Variants in PCDHA5 observed in about 807,000 individuals in gnomAD.
The protein encoded by PCDHA5 is protocadherin alpha 5.
PCDHA5 carries 43 observed loss-of-function variants against 61.6 expected under a neutral mutation model. The observed-to-expected ratio is 0.70, with a 90% CI of 0.55 to 0.90. The LOEUF is 0.90. Ranked by LOEUF, PCDHA5 falls within the 40% of genes least tolerant of loss-of-function variation. The probability of loss-of-function intolerance (pLI) is 0.00; values close to 1 mark genes in which losing one functional copy is unlikely to be tolerated. For synonymous variants in PCDHA5, 627 were observed against 543.9 expected (o/e 1.15, Z -2.13); for missense variants, 1,298 against 1,222.7 (o/e 1.06, Z -0.92).
In PCDHA5 at chr5:140,979,019, C is replaced by T; in HGVS notation, c.2411+12C>T. On this transcript the variant is annotated intron_variant, in intron 2 of 3. Coordinates refer to ENST00000529859, the MANE Select transcript of PCDHA5 (RefSeq NM_018908.3). ...GCAGGCATGCACAGGTATGTATTTC[C>T]CTCCTCATTCACTCAGAAGTAACCT... 1 of 1,613,662 alleles carries T rather than the reference C, an allele frequency of 6.2e-7. No individual in the cohort carries two copies. Among genetic ancestry groups the T allele is most frequent in the South Asian group, 1.1e-5 (1 of 90,910 alleles).
At chr5:140,842,698 G>A (rs782455331) in intron 1 of PCDHA5, 1 of 1,595,366 alleles carries the variant, frequency 6.3e-7, no homozygotes, top group South Asian at 1.1e-5. Flanking sequence ...CGCAGCCCGA[G>A]TACACGGTGT....
chr5:140,870,766 C>T, intron 1 of PCDHA5: 1 of 1,613,562 alleles, frequency 6.2e-7, no homozygotes, highest in Non-Finnish European at 8.5e-7. Context: ...GGTGTTCGTG[C>T]TGGACGAGAA....
intron 1 of PCDHA5, among the ~76,000 whole-genome samples, chr5:140,903,696 A>G (rs2153481433): frequency 6.6e-6 from 1 of 152,370 alleles, no homozygotes; most frequent in East Asian, 1.9e-4. Context: ...ATAGTTTAAA[A>G]TAGTAATAAA....
intron 1 of PCDHA5, among the ~76,000 whole-genome samples, chr5:140,892,696 C>T (rs1005435710): frequency 4.6e-5 from 7 of 152,098 alleles, no homozygotes; most frequent in Admixed American, 6.6e-5. Context: ...ATAATAAAAT[C>T]AGGGTAATTA....
chr5:140,969,177 A>C, intron 1 of PCDHA5: 2 of 1,614,086 alleles, frequency 1.2e-6, no homozygotes, highest in Non-Finnish European at 1.7e-6. Flanking sequence ...TCAGGGAGTG[A>C]CACTTTCATG....
At position 140,876,399 on chromosome 5, in the gene PCDHA5, T is replaced by C. The variant is rs141337647; in HGVS notation, c.2352+52272T>C. The C allele has an allele frequency of 1.9e-4, 306 of 1,613,906 alleles. 1 individual carries two copies. In the African/African-American group the frequency reaches 3.4e-3, roughly 18 times the overall value. On this transcript the variant is annotated intron_variant, in intron 1 of 3. Transcript: ENST00000529859. Reference sequence around the variant, plus strand: ...AAATTAGAATTTATGGTGAACTGGATTTTGAAGAGAATAATGCCTATGAAA... The same window carrying C: ...AAATTAGAATTTATGGTGAACTGGACTTTGAAGAGAATAATGCCTATGAAA...
intron 1 of PCDHA5, chr5:140,875,947 G>A: frequency 6.2e-7 from 1 of 1,614,184 alleles, no homozygotes; most frequent in South Asian, 1.1e-5. Context: ...GGGCGCTTCT[G>A]ATGCGGATAT....
At chr5:140,988,556 C>G (rs574182013) in intron 3 of PCDHA5, among the ~76,000 whole-genome samples, 2 of 152,158 alleles carry the variant, frequency 1.3e-5, no homozygotes, top group Non-Finnish European at 2.9e-5. Flanking sequence ...TCTTCATCTT[C>G]TTCTTGGGAA....
intron 1 of PCDHA5, among the ~76,000 whole-genome samples, chr5:140,872,205 A>AT (rs1554166067): frequency 6.6e-6 from 1 of 151,936 alleles, no homozygotes; most frequent in Non-Finnish European, 1.5e-5. Context: ...TCATAAATTC[A>AT]TTATATATGA....
intron 1 of PCDHA5, chr5:140,884,429 C>G: frequency 6.2e-7 from 1 of 1,613,964 alleles, no homozygotes. Flanking sequence ...GTATACTGCG[C>G]TGCGGTGCTC....
chr5:140,972,316 GT>G (rs112435719), intron 1 of PCDHA5, among the ~76,000 whole-genome samples: 1,932 of 139,568 alleles, frequency 0.014, 18 homozygotes, highest in African/African-American at 0.036. Context: ...GTTTTTAGGT[GT>G]TTTTTTTTTT....
chr5:140,871,074 G>T (rs1210767724), intron 1 of PCDHA5: 10 of 1,613,214 alleles, frequency 6.2e-6, no homozygotes, highest in Middle Eastern at 3.3e-4. Context: ...GTGAGCCGGC[G>T]CTGACGGCCA....
At chr5:140,854,493 T>C (rs990142871) in intron 1 of PCDHA5, 1 of 149,954 alleles carries the variant, frequency 6.7e-6, no homozygotes, top group African/African-American at 2.4e-5. Flanking sequence ...CAGAATTTAG[T>C]AGGACACATA....
intron 1 of PCDHA5, among the ~76,000 whole-genome samples, chr5:140,962,154 C>T (rs1447978704): frequency 3.9e-5 from 6 of 152,210 alleles, no homozygotes; most frequent in Admixed American, 1.3e-4. Context: ...GGATTACAGG[C>T]GTGAGCCACC....
chr5:140,844,617 C>G lies in PCDHA5; in HGVS notation c.2352+20490C>G, dbSNP rs1271034254. 1.3e-5 allele frequency among the ~76,000 whole-genome samples: 2 copies of G among 149,204 alleles called. 1 individual carries two copies. The highest frequency in any genetic ancestry group is 4.9e-5 in the African/African-American group (2 of 40,768). ...AATATATGACTTAGAAAAATGTTTT[C>G]ATCAGAAAAACTATACATGATAATT... On this transcript the variant is annotated intron_variant, in intron 1 of 3. Coordinates refer to ENST00000529859, the MANE Select transcript of PCDHA5 (RefSeq NM_018908.3).
rs140124026 is a variant in PCDHA5, at chr5:140,973,683, C to T, written c.2353-5266C>T. On this transcript the variant is annotated intron_variant, in intron 1 of 3. Coordinates refer to ENST00000529859, the MANE Select transcript of PCDHA5 (RefSeq NM_018908.3). ...TTTATTGTAGCTTGAATGTCATTGG[C>T]CTACTGTTTCCTTCTGACCCAGGAG... is the stretch of plus-strand genomic sequence containing the variant. Among the ~76,000 whole-genome samples, 5 of 152,316 alleles carry T rather than the reference C, an allele frequency of 3.3e-5. No homozygotes were observed. The East Asian group carries it at 7.7e-4, about 24-fold the overall frequency.
chr5:140,828,767 G>A, intron 1 of PCDHA5: 1 of 1,614,200 alleles, frequency 6.2e-7, no homozygotes, highest in Non-Finnish European at 8.5e-7. Flanking sequence ...CACAGGCACT[G>A]TTCAGCTGCT....
chr5:140,899,931 C>G (rs1163496997), intron 1 of PCDHA5, among the ~76,000 whole-genome samples: 1 of 152,112 alleles, frequency 6.6e-6, no homozygotes, highest in African/African-American at 2.4e-5. Context: ...CCTCAGCCTC[C>G]TGAATAGCTG....
At chr5:140,875,958 C>G (rs1312300687) in intron 1 of PCDHA5, 4 of 1,614,080 alleles carry the variant, frequency 2.5e-6, no homozygotes, top group Non-Finnish European at 3.4e-6. Flanking sequence ...ATGCGGATAT[C>G]GGCGTAAACT....
Sources: allele counts gnomAD v4.1 joint callset (sites outside exome capture counted in the v4.1 genomes callset), GRCh38; gene constraint gnomAD v4.1.1; transcripts MANE v1.5; gene names NCBI Gene and HGNC (gene_info 2026-07-23, HGNC 2026-07-21).